Variants in EHF observed in about 807,000 individuals in gnomAD.
EHF encodes the protein ETS homologous factor.
Under a neutral mutation model 45.1 loss-of-function variants are expected in EHF, and 14 were observed. The observed-to-expected ratio is 0.31, with a 90% CI of 0.21 to 0.49. The LOEUF is 0.49. Among genes scored for constraint, EHF ranks in the 20% least tolerant of loss-of-function variants. EHF has a pLI of 0.99. For missense variants in EHF, 282 were observed against 371.4 expected (o/e 0.76, Z 1.98); for synonymous variants, 136 against 131.8 (o/e 1.03, Z -0.22).
intron 1 of EHF, among the ~76,000 whole-genome samples, chr11:34,627,436 G>T (rs1210012685): frequency 2.0e-5 from 3 of 152,034 alleles, no homozygotes; most frequent in Non-Finnish European, 4.4e-5. Context: ...TAGCTTTTAG[G>T]AGTGAGTATA....
chr11:34,637,938 G>T (rs1477469986), intron 1 of EHF, among the ~76,000 whole-genome samples: 2 of 143,082 alleles, frequency 1.4e-5, no homozygotes, highest in Non-Finnish European at 3.0e-5. Flanking sequence ...GTCTCGCTCT[G>T]TTGCCCAGGC....
In EHF at chr11:34,659,198, C is replaced by G. The variant is rs1855930323; in HGVS notation, c.*267C>G. 3.3e-6 allele frequency: 1 copy of G among 299,530 alleles called. No individual in the cohort carries two copies. The highest frequency in any genetic ancestry group is 6.2e-5 in the East Asian group (1 of 16,254). The allele number at this position is 299,530 out of a possible 1,614,324, so 18.6% of individuals were successfully genotyped here. A position where few individuals can be genotyped will look rare whatever the true frequency, so the allele number is the denominator to read the frequency against. On this transcript the variant is annotated 3_prime_UTR_variant, in exon 9 of 9. Transcript: ENST00000257831. ...GTATGTGGTTGTGATTTTTTTTCAC[C>G]TCTATTGTGAATTCTTTTTCACTGC...
chr11:34,629,231 T>C (rs1046875623), intron 1 of EHF, among the ~76,000 whole-genome samples: 2 of 152,218 alleles, frequency 1.3e-5, no homozygotes, highest in Non-Finnish European at 2.9e-5. Flanking sequence ...GGCTGAATAA[T>C]TGGCTGAAAG....
intron 1 of EHF, among the ~76,000 whole-genome samples, chr11:34,626,676 A>G (rs939973672): frequency 1.3e-4 from 20 of 152,184 alleles, no homozygotes; most frequent in Non-Finnish European, 2.6e-4. Context: ...TCTTAATTCC[A>G]CTAGGCAGAA....
intron 2 of EHF, among the ~76,000 whole-genome samples, chr11:34,645,490 C>T (rs1590493846): frequency 6.6e-6 from 1 of 152,160 alleles, no homozygotes; most frequent in Non-Finnish European, 1.5e-5. Flanking sequence ...ACAAGTAAAA[C>T]AGTCTGTGAC....
chr11:34,632,478 T>C (rs867009090), intron 1 of EHF: 3 of 1,524,834 alleles, frequency 2.0e-6, no homozygotes, highest in South Asian at 2.4e-5. Flanking sequence ...CACTGCTTTA[T>C]TCTGCCCTGA....
At chr11:34,635,774 G>A (rs920948691) in intron 1 of EHF, among the ~76,000 whole-genome samples, 1 of 147,130 alleles carries the variant, frequency 6.8e-6, no homozygotes, top group Admixed American at 6.9e-5. Flanking sequence ...ACAACACAGA[G>A]CTTAGGAGCA....
rs767192200 is a variant in EHF, at chr11:34,646,594, C to A, written c.253C>A (p.Leu85Ile). ...AGAGTTCGACATCAACGGCGAGCAC[C>A]TCTGCAGCATGAGTTTGCAGGAGTT... ...FQEFDINGEH[L>I]CSMSLQEFTR... The change falls in exon 3 of 9, where the codon CTC becomes ATC. Residue 85 changes from leucine to isoleucine, a missense_variant. Around this residue, in one of 3 missense-constraint regions of EHF, gnomAD observed 213 missense variants for 247.3 expected, o/e 0.86. Coordinates refer to ENST00000257831, the MANE Select transcript of EHF (RefSeq NM_012153.6). 2.5e-6 allele frequency: 4 copies of A among 1,613,694 alleles called. No individual in the cohort carries two copies. The East Asian group carries it at 8.9e-5, about 36-fold the overall frequency.
intron 2 of EHF, 29 bp downstream of exon 2, chr11:34,642,756 C>T (rs779490064): frequency 6.6e-7 from 1 of 1,513,162 alleles, no homozygotes; most frequent in Non-Finnish European, 9.2e-7. Flanking sequence ...GTTGGTGTCA[C>T]TGCTGTGCTG....
chr11:34,657,077 G>A (rs779528622), intron 7 of EHF, 107 bp downstream of exon 7: 7 of 1,317,276 alleles, frequency 5.3e-6, no homozygotes, highest in Non-Finnish European at 7.5e-6. Context: ...CTGCCTTCAT[G>A]TCTTCATCCC....
intron 7 of EHF, 43 bp from the exon 8 acceptor site, chr11:34,658,490 G>A (rs747121315): frequency 4.5e-6 from 7 of 1,549,610 alleles, no homozygotes; most frequent in African/African-American, 4.1e-5. Context: ...TATCTTTGCT[G>A]TGACTTAGAT....
intron 1 of EHF, chr11:34,632,596 T>A (rs1852998578): frequency 6.5e-7 from 1 of 1,535,400 alleles, no homozygotes; most frequent in Non-Finnish European, 8.7e-7. Flanking sequence ...GGGCATGGGG[T>A]TGCCGGAGAG....
At chr11:34,657,567 T>C (rs370380623) in intron 7 of EHF, among the ~76,000 whole-genome samples, 1 of 151,992 alleles carries the variant, frequency 6.6e-6, no homozygotes, top group African/African-American at 2.4e-5. Context: ...GGTGGGTGGA[T>C]CACTTGAGCT....
intron 3 of EHF, among the ~76,000 whole-genome samples, chr11:34,647,796 T>C (rs1352194007): frequency 1.3e-5 from 2 of 152,256 alleles, no homozygotes; most frequent in Non-Finnish European, 2.9e-5. Flanking sequence ...CATGCCCTGC[T>C]TCCCACCCAC....
chr11:34,644,794 T>C (rs1342115347), intron 2 of EHF, among the ~76,000 whole-genome samples: 1 of 152,234 alleles, frequency 6.6e-6, no homozygotes, highest in Non-Finnish European at 1.5e-5. Flanking sequence ...ACCAGCAACA[T>C]CAGCATCACA....
chr11:34,650,238 G>C (rs1855007645), intron 4 of EHF, among the ~76,000 whole-genome samples: 1 of 152,202 alleles, frequency 6.6e-6, no homozygotes, highest in African/African-American at 2.4e-5. Flanking sequence ...TGTGTTGCCA[G>C]TTCAGAAAAG....
At chr11:34,640,756 A>G (rs1853919641) in intron 1 of EHF, among the ~76,000 whole-genome samples, 1 of 152,218 alleles carries the variant, frequency 6.6e-6, no homozygotes, top group Admixed American at 6.5e-5. Flanking sequence ...AAAGGAACTT[A>G]TGATCAGTAT....
At chr11:34,657,676 T>C (rs1287949777) in intron 7 of EHF, among the ~76,000 whole-genome samples, 2 of 151,516 alleles carry the variant, frequency 1.3e-5, no homozygotes, top group African/African-American at 4.9e-5. Context: ...TGTAGTCCCA[T>C]CTACTTGGGA....
In EHF at chr11:34,642,143, G is replaced by A. The variant is rs78110331; in HGVS notation, c.-3-485G>A. 1,505 of 159,968 alleles carry A rather than the reference G, an allele frequency of 9.4e-3. 30 individuals carry two copies. Among genetic ancestry groups the A allele is most frequent in the African/African-American group, 0.034 (1,428 of 41,616 alleles). 9.9% of individuals were successfully genotyped at this position (159,968 alleles called of 1,614,324 possible). On this transcript the variant is annotated intron_variant, in intron 1 of 8. Coordinates refer to ENST00000257831, the MANE Select transcript of EHF (RefSeq NM_012153.6). ...GCCTGTGGCAGATACCCGCACTGAG[G>A]AAACTTGTTACTGGGTGTGCAGGTG...
Sources: allele counts gnomAD v4.1 joint callset (sites outside exome capture counted in the v4.1 genomes callset), GRCh38; gene constraint gnomAD v4.1.1; regional missense constraint gnomAD v4.1.1; transcripts MANE v1.5; gene names NCBI Gene and HGNC (gene_info 2026-07-23, HGNC 2026-07-21).